SCARB2: variants seen among roughly 807,000 people sequenced by gnomAD.
SCARB2 encodes the protein lysosome membrane protein 2.
In SCARB2, 29 loss-of-function variants were observed where a neutral mutation model predicts 58.6. The ratio of observed to expected loss-of-function variants is 0.49; its 90% CI spans 0.37 to 0.67. SCARB2 has a LOEUF of 0.67. SCARB2 is among the 30% of genes least tolerant of loss of function. The pLI is 0.00. For missense variants in SCARB2, 488 were observed against 578.5 expected, an observed-to-expected ratio of 0.84 and a Z score of 1.60; for synonymous variants, 195 against 210.1, an observed-to-expected ratio of 0.93 and a Z score of 0.62.
chr4:76,233,816 T>C (rs769684593), intron 1 of SCARB2, among the ~76,000 whole-genome samples: 2 of 152,150 alleles, frequency 1.3e-5, no homozygotes, highest in Non-Finnish European at 2.9e-5. Context: ...AAGGCTTCAT[T>C]TCAGAACCAA....
chr4:76,179,943 G>A (rs1180132173), intron 3 of SCARB2: 2 of 556,180 alleles, frequency 3.6e-6, no homozygotes, highest in African/African-American at 3.8e-5. Context: ...ACCATTTGCA[G>A]GCTCTGAGTT....
At chr4:76,197,762 A>C (rs1361274994) in intron 1 of SCARB2, among the ~76,000 whole-genome samples, 1 of 152,194 alleles carries the variant, frequency 6.6e-6, no homozygotes, top group East Asian at 1.9e-4. Context: ...GTGAACTTTG[A>C]GTGTCGAGAA....
chr4:76,209,054 G>C (rs1732987214), intron 1 of SCARB2, among the ~76,000 whole-genome samples: 1 of 152,174 alleles, frequency 6.6e-6, no homozygotes, highest in African/African-American at 2.4e-5. Context: ...CTCTCCATTT[G>C]ACTTTAGATA....
intron 1 of SCARB2, among the ~76,000 whole-genome samples, chr4:76,206,958 T>C (rs1205846936): frequency 1.3e-5 from 2 of 152,100 alleles, no homozygotes; most frequent in Non-Finnish European, 2.9e-5. Context: ...TTTGAAAACA[T>C]TAACAAGATA....
intron 1 of SCARB2, among the ~76,000 whole-genome samples, chr4:76,197,348 G>T (rs770782865): frequency 3.3e-5 from 5 of 152,220 alleles, no homozygotes; most frequent in Non-Finnish European, 5.9e-5. Context: ...AAGATGCATG[G>T]CAAGTTTCTA....
chr4:76,212,488 T>G (rs1167744850), intron 1 of SCARB2, among the ~76,000 whole-genome samples: 1 of 152,230 alleles, frequency 6.6e-6, no homozygotes, highest in Non-Finnish European at 1.5e-5. Context: ...AGACTAGGCC[T>G]GGGCTTTTTT....
At chr4:76,197,449 G>T (rs745586271) in intron 1 of SCARB2, among the ~76,000 whole-genome samples, 1 of 152,342 alleles carries the variant, frequency 6.6e-6, no homozygotes, top group Non-Finnish European at 1.5e-5. Context: ...AAACGGAGAT[G>T]TGTAGACTAG....
At chr4:76,224,172 C>T (rs1733354960) in intron 1 of SCARB2, among the ~76,000 whole-genome samples, 1 of 152,204 alleles carries the variant, frequency 6.6e-6, no homozygotes, top group Non-Finnish European at 1.5e-5. Flanking sequence ...TAGGCAGATA[C>T]AGTCCATTAC....
At chr4:76,221,380 G>A (rs986566499) in intron 1 of SCARB2, among the ~76,000 whole-genome samples, 30 of 152,148 alleles carry the variant, frequency 2.0e-4, no homozygotes, top group Non-Finnish European at 4.1e-4. Context: ...GTGCAGTGGT[G>A]CAATCTCAGC....
chr4:76,188,752 G>C (rs374744396), intron 2 of SCARB2, among the ~76,000 whole-genome samples: 1 of 152,142 alleles, frequency 6.6e-6, no homozygotes, highest in Non-Finnish European at 1.5e-5. Flanking sequence ...GTGAATGACC[G>C]CAAAAGGCAC....
intron 1 of SCARB2, among the ~76,000 whole-genome samples, chr4:76,219,120 TTAAGAG>T (rs1380171842): frequency 6.6e-6 from 1 of 152,104 alleles, no homozygotes; most frequent in Non-Finnish European, 1.5e-5. Context: ...CTCATGCTTA[TTAAGAG>T]TAAAAGGAAA....
intron 7 of SCARB2, among the ~76,000 whole-genome samples, chr4:76,170,537 G>A (rs1029611998): frequency 6.6e-6 from 1 of 151,524 alleles, no homozygotes; most frequent in South Asian, 2.1e-4. Flanking sequence ...AATTTTTGGT[G>A]GTTTTTTGTT....
intron 1 of SCARB2, among the ~76,000 whole-genome samples, chr4:76,199,840 C>T (rs144995498): frequency 0.012 from 1,798 of 152,280 alleles, 19 homozygotes; most frequent in South Asian, 0.021. Flanking sequence ...TCCAGGCAGC[C>T]GCGCAGCCCC....
intron 1 of SCARB2, among the ~76,000 whole-genome samples, chr4:76,232,355 G>A (rs1733507878): frequency 6.6e-6 from 1 of 152,162 alleles, no homozygotes; most frequent in Non-Finnish European, 1.5e-5. Flanking sequence ...AATCTCCAAA[G>A]TTATCAGAAG....
intron 1 of SCARB2, among the ~76,000 whole-genome samples, chr4:76,201,940 G>A (rs1732836288): frequency 6.6e-6 from 1 of 152,108 alleles, no homozygotes; most frequent in African/African-American, 2.4e-5. Flanking sequence ...TTTGTGCTAA[G>A]CCACTGTTCT....
intron 2 of SCARB2, chr4:76,194,037 G>C (rs2109959529): frequency 6.6e-6 from 1 of 152,292 alleles, no homozygotes; most frequent in African/African-American, 2.4e-5. Flanking sequence ...CACAACAGTG[G>C]GTGACTTCTC....
At chr4:76,188,387 A>G (rs1472806417) in intron 2 of SCARB2, among the ~76,000 whole-genome samples, 2 of 152,208 alleles carry the variant, frequency 1.3e-5, no homozygotes, top group East Asian at 3.8e-4. Context: ...TGTTATCAAC[A>G]TTTGGAATGC....
intron 6 of SCARB2, chr4:76,174,595 TA>T: frequency 2.5e-6 from 1 of 398,090 alleles, no homozygotes; most frequent in Non-Finnish European, 4.7e-6. Context: ...GAGACTCACA[TA>T]AAAAAGAAAT....
chr4:76,205,842 G>A (rs1732919831), intron 1 of SCARB2, among the ~76,000 whole-genome samples: 1 of 152,164 alleles, frequency 6.6e-6, no homozygotes, highest in Non-Finnish European at 1.5e-5. Flanking sequence ...CTTTTGGTAA[G>A]GAGTGTCAGA....
Sources: gnomAD v4.1 joint callset for allele counts (sites outside exome capture counted in the v4.1 genomes callset) on GRCh38, gnomAD v4.1.1 for gene constraint, MANE v1.5 for transcripts, NCBI Gene and HGNC (gene_info 2026-07-23, HGNC 2026-07-21) for gene names.